Variants in ERC2 observed in about 807,000 individuals in gnomAD.
The protein encoded by ERC2 is ELKS/RAB6-interacting/CAST family member 2.
ERC2 carries 42 observed loss-of-function variants against 114.8 expected under a neutral mutation model. The observed-to-expected ratio is 0.37, with a 90% CI of 0.29 to 0.47. ERC2 has a LOEUF of 0.47. ERC2 is among the 20% of genes least tolerant of loss of function. ERC2 has a pLI of 0.99. For missense variants in ERC2, 939 were observed against 1,150.7 expected (o/e 0.82, Z 2.66); for synonymous variants, 454 against 425.5 (o/e 1.07, Z -0.82).
chr3:56,285,598 T>C (rs915790052), intron 3 of ERC2, among the ~76,000 whole-genome samples: 3 of 152,084 alleles, frequency 2.0e-5, no homozygotes, highest in Admixed American at 6.5e-5. Context: ...CTGATTGCCC[T>C]GGGGGCAGGA....
chr3:56,175,877 A>G lies in ERC2; in HGVS notation c.1075-2357T>C, dbSNP rs75357257. Among the ~76,000 whole-genome samples the G allele has an allele frequency of 3.2e-3, 493 of 152,244 alleles. 16 individuals are homozygous for G. In the East Asian group the frequency reaches 0.081, roughly 25 times the overall value. ...TTGTGAGTTTGTACATTTAATTTGT[A>G]ACATTAGTTATTAGAAGAAGTTTCC... is the stretch of plus-strand genomic sequence containing the variant. On this transcript the variant is annotated intron_variant, in intron 3 of 17. Coordinates refer to ENST00000288221, the MANE Select transcript of ERC2 (RefSeq NM_015576.3).
At chr3:56,184,741 C>T (rs1338169724) in intron 3 of ERC2, among the ~76,000 whole-genome samples, 1 of 152,200 alleles carries the variant, frequency 6.6e-6, no homozygotes, top group Non-Finnish European at 1.5e-5. Flanking sequence ...AGTATTTTAA[C>T]AGGGATCTGA....
intron 14 of ERC2, among the ~76,000 whole-genome samples, chr3:55,762,461 C>G (rs560953610): frequency 6.6e-6 from 1 of 152,230 alleles, no homozygotes; most frequent in Non-Finnish European, 1.5e-5. Flanking sequence ...CATACCACAA[C>G]AGACACACAA....
intron 14 of ERC2, among the ~76,000 whole-genome samples, chr3:55,844,724 CA>C (rs1390512195): frequency 2.6e-5 from 4 of 152,120 alleles, no homozygotes; most frequent in African/African-American, 9.7e-5. Context: ...TACATGAATT[CA>C]AAATGTCACA....
chr3:55,621,663 G>A (rs1235020426), intron 17 of ERC2, among the ~76,000 whole-genome samples: 2 of 152,204 alleles, frequency 1.3e-5, no homozygotes, highest in African/African-American at 4.8e-5. Flanking sequence ...AATTCTGGAA[G>A]CACTGAAAAG....
At chr3:56,122,190 A>G (rs1453981234) in intron 6 of ERC2, among the ~76,000 whole-genome samples, 1 of 152,266 alleles carries the variant, frequency 6.6e-6, no homozygotes, top group Admixed American at 6.5e-5. Context: ...GAGGCAGGTC[A>G]GTATGCACAG....
At chr3:56,215,876 C>A (rs2049433853) in intron 3 of ERC2, among the ~76,000 whole-genome samples, 2 of 152,158 alleles carry the variant, frequency 1.3e-5, no homozygotes, top group African/African-American at 4.8e-5. Context: ...AACTGAACAA[C>A]CTGCTCCTGA....
chr3:56,013,143 G>A lies in ERC2; in HGVS notation c.1780-2554C>T, dbSNP rs532001165. Among the ~76,000 whole-genome samples the A allele has an allele frequency of 1.3e-4, 20 of 152,228 alleles. 1 individual carries two copies. Among genetic ancestry groups the A allele is most frequent in the South Asian group, 6.2e-4 (3 of 4,820 alleles). On this transcript the variant is annotated intron_variant, in intron 8 of 17. Coordinates refer to ENST00000288221, the MANE Select transcript of ERC2 (RefSeq NM_015576.3). ...CAAGTCATATTCAATCTTAACTCACGGAGAGGCATTATTCTTTGCACTCTG... is the reference window on the plus strand; with the variant it reads ...CAAGTCATATTCAATCTTAACTCACAGAGAGGCATTATTCTTTGCACTCTG...
chr3:55,905,963 T>G (rs757424236), intron 13 of ERC2, among the ~76,000 whole-genome samples: 18 of 152,166 alleles, frequency 1.2e-4, no homozygotes, highest in Non-Finnish European at 2.2e-4. Flanking sequence ...CCTCATAGCA[T>G]GTGTCACAAT....
chr3:55,886,523 CATT>C (rs1469904112), intron 14 of ERC2, among the ~76,000 whole-genome samples: 2 of 152,114 alleles, frequency 1.3e-5, no homozygotes, highest in Non-Finnish European at 2.9e-5. Flanking sequence ...TGTATATAGA[CATT>C]ATAAAAATAC....
chr3:55,928,901 T>G (rs572956454), intron 13 of ERC2, among the ~76,000 whole-genome samples: 1 of 152,214 alleles, frequency 6.6e-6, no homozygotes, highest in Non-Finnish European at 1.5e-5. Flanking sequence ...GCAACTTTGT[T>G]GAAAACGAGT....
chr3:55,795,229 C>T (rs535808170), intron 14 of ERC2, among the ~76,000 whole-genome samples: 6 of 152,262 alleles, frequency 3.9e-5, no homozygotes, highest in Admixed American at 3.3e-4. Context: ...AAACCATATT[C>T]ATTTCCCTGA....
chr3:56,174,280 C>T (rs548654869), intron 3 of ERC2, among the ~76,000 whole-genome samples: 1 of 152,286 alleles, frequency 6.6e-6, no homozygotes, highest in East Asian at 1.9e-4. Flanking sequence ...TGCTTCTCCT[C>T]AAAAGAACAG....
chr3:56,276,493 A>T (rs532705418), intron 3 of ERC2, among the ~76,000 whole-genome samples: 46 of 151,142 alleles, frequency 3.0e-4, no homozygotes, highest in Non-Finnish European at 5.9e-4. Flanking sequence ...TCAGTCATTC[A>T]TCTGGCTCTT....
chr3:55,673,362 A>C (rs980047321), intron 17 of ERC2, among the ~76,000 whole-genome samples: 21 of 152,294 alleles, frequency 1.4e-4, no homozygotes, highest in Non-Finnish European at 1.8e-4. Flanking sequence ...AGGTGGGCAG[A>C]TCACGAGGTC....
chr3:56,224,692 G>T (rs1370790403), intron 3 of ERC2, among the ~76,000 whole-genome samples: 1 of 152,172 alleles, frequency 6.6e-6, no homozygotes, highest in Non-Finnish European at 1.5e-5. Context: ...GTTTTAATAT[G>T]CAAGAATACC....
chr3:56,128,106 A>G (rs2079989863), intron 6 of ERC2, among the ~76,000 whole-genome samples: 2 of 152,134 alleles, frequency 1.3e-5, no homozygotes, highest in East Asian at 3.8e-4. Flanking sequence ...TTTAAAAAAA[A>G]GATTTGTAAG....
intron 1 of ERC2, among the ~76,000 whole-genome samples, chr3:56,448,841 C>A (rs996837262): frequency 2.6e-5 from 4 of 152,040 alleles, no homozygotes; most frequent in Non-Finnish European, 5.9e-5. Flanking sequence ...TTTGGGAGGC[C>A]AAGGCAGGTG....
chr3:56,426,937 G>A (rs2061592186), intron 2 of ERC2, among the ~76,000 whole-genome samples: 1 of 151,030 alleles, frequency 6.6e-6, no homozygotes, highest in Non-Finnish European at 1.5e-5. Flanking sequence ...TGAGGCAGGT[G>A]GATTGCTTGA....
Sources: allele counts gnomAD v4.1 joint callset (sites outside exome capture counted in the v4.1 genomes callset), GRCh38; gene constraint gnomAD v4.1.1; transcripts MANE v1.5; gene names NCBI Gene and HGNC (gene_info 2026-07-23, HGNC 2026-07-21).